The following SLC25A3 variants were observed in gnomAD, a reference collection of about 807,000 sequenced individuals.
SLC25A3 encodes phosphate transport protein.
SLC25A3 carries 14 observed loss-of-function variants against 37.1 expected under a neutral mutation model. That is an observed-to-expected ratio of 0.38 (90% CI 0.25 to 0.59). The LOEUF (loss-of-function observed/expected upper bound fraction) is 0.59, where lower values mean the gene tolerates loss of function less well. SLC25A3 is among the 20% of genes least tolerant of loss of function. SLC25A3 has a pLI of 0.67. For missense variants in SLC25A3, 385 were observed against 458.1 expected (o/e 0.84, Z 1.46); for synonymous variants, 161 against 168.7 (o/e 0.95, Z 0.36).
At chr12:98,598,769 G>GTTTTTTTTTTTT (rs982573378) in intron 5 of SLC25A3, 66 bp downstream of exon 5, 1 of 872,094 alleles carries the variant, frequency 1.1e-6, no homozygotes, top group African/African-American at 1.8e-5. Context: ...ATTTTTTTTT[G>GTTTTTTTTTTTT]TTTTTTTTTT....
intron 5 of SLC25A3, 88 bp downstream of exon 5, chr12:98,598,791 T>G: frequency 7.6e-7 from 1 of 1,308,324 alleles, no homozygotes; most frequent in Non-Finnish European, 1.1e-6. Context: ...GTTTTGTTTT[T>G]TTGAGACAAA....
chr12:98,601,399 C>T lies in SLC25A3; in HGVS notation c.957C>T (p.Ile319=), dbSNP rs777664288. The T allele has an allele frequency of 8.7e-6, 14 of 1,613,838 alleles. No homozygotes were observed. The Admixed American group carries it at 2.2e-4, about 25-fold the overall frequency. Residue 319 remains isoleucine (I), a synonymous_variant, in exon 8 of 8, where the codon ATC becomes ATT. Coordinates refer to ENST00000552981, the MANE Select transcript of SLC25A3 (RefSeq NM_002635.4). ...GVWKGLFARI[I]MIGTLTALQW... is the part of the protein sequence containing the mutation. ...GGAAGGGACTGTTTGCCCGTATCAT[C>T]ATGATTGGTACCCTGACTGCACTAC...
At chr12:98,595,897 T>G (rs761094165) in intron 3 of SLC25A3, 49 bp downstream of exon 3, 2 of 1,521,174 alleles carry the variant, frequency 1.3e-6, no homozygotes, top group Non-Finnish European at 9.1e-7. Context: ...GTGACTTAAC[T>G]CTAAATAAAA....
At chr12:98,599,854 C>A in intron 5 of SLC25A3, 101 bp from the exon 6 acceptor site, 1 of 1,202,834 alleles carries the variant, frequency 8.3e-7, no homozygotes, top group Non-Finnish European at 1.2e-6. Context: ...CCATTTGTTA[C>A]TATCAGGACT....
chr12:98,594,669 G>A (rs1237049535), intron 2 of SLC25A3: 2 of 357,824 alleles, frequency 5.6e-6, no homozygotes, highest in African/African-American at 4.2e-5. Context: ...ATAGGCAATA[G>A]AAAGGAGATA....
chr12:98,598,299 T>C, intron 4 of SLC25A3: 1 of 743,806 alleles, frequency 1.3e-6, no homozygotes. Flanking sequence ...TGGGACTCCT[T>C]TGCGTAGTTC....
Position 98,601,445 on chromosome 12 carries a change from G to T in SLC25A3, c.1003G>T (p.Val335Leu). The change falls in exon 8 of 8, where the codon GTG becomes TTG. Residue 335 changes from valine to leucine, a missense_variant. This residue lies in a region of SLC25A3 where 276 missense variants were observed against 367.6 expected (regional missense o/e 0.75). Coordinates refer to ENST00000552981, the MANE Select transcript of SLC25A3 (RefSeq NM_002635.4). Reference sequence around the variant, plus strand: ...ACTACAGTGGTTTATCTATGACTCCGTGAAGGTCTACTTCAGACTTCCTCG... The same window carrying T: ...ACTACAGTGGTTTATCTATGACTCCTTGAAGGTCTACTTCAGACTTCCTCG... Reference protein sequence around the residue: ...TALQWFIYDSVKVYFRLPRPP... With the variant: ...TALQWFIYDSLKVYFRLPRPP... 6.2e-7 allele frequency: 1 copy of T among 1,613,970 alleles called. No homozygotes were observed. Among genetic ancestry groups the T allele is most frequent in the South Asian group, 1.1e-5 (1 of 91,078 alleles).
intron 6 of SLC25A3, among the ~76,000 whole-genome samples, chr12:98,600,694 G>A (rs2097597163): frequency 6.6e-6 from 1 of 152,176 alleles, no homozygotes; most frequent in Non-Finnish European, 1.5e-5. Flanking sequence ...TTACAGGCGT[G>A]AGCCACCGCG....
chr12:98,604,261 AAAATATATATAT>A lies in SLC25A3; in HGVS notation c.*2735_*2746del. The A allele has an allele frequency of 8.5e-6, 1 of 117,336 alleles. No individual in the cohort carries two copies. The highest frequency in any genetic ancestry group is 2.8e-4 in the South Asian group (1 of 3,570). 7.3% of individuals were successfully genotyped at this position (117,336 alleles called of 1,614,324 possible). On this transcript the variant is annotated 3_prime_UTR_variant, in exon 8 of 8. Coordinates refer to ENST00000552981, the MANE Select transcript of SLC25A3 (RefSeq NM_002635.4). ...CAGCGAAACTCTGTCTCAAAAAAAA[AAAATATATATAT>A]ATATATATATATATGAAGCTGATAG...
At position 98,593,986 on chromosome 12, in the gene SLC25A3, C is replaced by T. The variant is rs745834499; in HGVS notation, c.8C>T (p.Ser3Leu). 18 of 1,613,808 alleles carry T rather than the reference C, an allele frequency of 1.1e-5. No homozygotes were observed. The highest frequency in any genetic ancestry group is 1.4e-5 in the Non-Finnish European group (16 of 1,179,894). The change falls in exon 2 of 8, where the codon TCG becomes TTG. Residue 3 changes from serine to leucine, a missense_variant. By Grantham distance (145) the Ser-to-Leu change is moderately radical. Coordinates refer to ENST00000552981, the MANE Select transcript of SLC25A3 (RefSeq NM_002635.4). MF[S>L]SVAHLARANP... ...CCCTCCTCCCCTAGAAAGATGTTCT[C>T]GTCCGTGGCGCACCTGGCGCGGGCG...
chr12:98,595,436 A>C, intron 2 of SLC25A3: 2 of 1,613,772 alleles, frequency 1.2e-6, no homozygotes, highest in Non-Finnish European at 1.7e-6. Context: ...CAAACAGAGC[A>C]GTATAGCTGT....
At position 98,595,717 on chromosome 12, in the gene SLC25A3, C is replaced by T. The variant is rs2097592481; in HGVS notation, c.158-10C>T. On this transcript the variant is annotated splice_polypyrimidine_tract_variant and intron_variant, in intron 2 of 7. Coordinates refer to ENST00000552981, the MANE Select transcript of SLC25A3 (RefSeq NM_002635.4). ...TATTAAAATGCATGGTGTGTCTTCT[C>T]TTACTACAGAGTACAGTTGTGAATT... is the stretch of plus-strand genomic sequence containing the variant. 1 of 1,613,970 alleles carries T rather than the reference C, an allele frequency of 6.2e-7. No individual in the cohort carries two copies. Among genetic ancestry groups the T allele is most frequent in the South Asian group, 1.1e-5 (1 of 91,004 alleles).
Position 98,594,148 on chromosome 12 carries a change from C to A in SLC25A3, c.157+13C>A, listed in dbSNP as rs774903460. 7 of 1,601,828 alleles carry A rather than the reference C, an allele frequency of 4.4e-6. No homozygotes were observed. The highest frequency in any genetic ancestry group is 6.0e-6 in the Non-Finnish European group (7 of 1,172,804). ...GCCGCCGTGGAAGGTGAGATCAGAC[C>A]CTGCCCAATACAGTCGTGTGGTCTA... is the stretch of plus-strand genomic sequence containing the variant. On this transcript the variant is annotated intron_variant, in intron 2 of 7. Transcript: ENST00000552981.
chr12:98,600,692 G>A (rs182580272), intron 6 of SLC25A3, among the ~76,000 whole-genome samples: 5 of 152,278 alleles, frequency 3.3e-5, no homozygotes, highest in African/African-American at 1.2e-4. Context: ...GATTACAGGC[G>A]TGAGCCACCG....
rs1168134201 is a variant in SLC25A3 at position 98,593,686 on chromosome 12, C to G, written c.-59C>G. The G allele has an allele frequency of 7.8e-6, 4 of 511,566 alleles. 1 individual carries two copies. The highest frequency in any genetic ancestry group is 3.2e-5 in the Admixed American group (1 of 31,172). The allele number at this position is 511,566 out of a possible 1,614,324, so 31.7% of individuals were successfully genotyped here. On this transcript the variant is annotated 5_prime_UTR_variant, in exon 1 of 8. Coordinates refer to ENST00000552981, the MANE Select transcript of SLC25A3 (RefSeq NM_002635.4). ...TCTTAGGACCCGGAGGACGTCCGGC[C>G]TCTGTGAGCCGCAACCTTTCCAAGG...
At chr12:98,601,119 G>A (rs1481208294) in intron 6 of SLC25A3, 52 bp from the exon 7 acceptor site, 3 of 1,589,880 alleles carry the variant, frequency 1.9e-6, no homozygotes, top group Non-Finnish European at 2.6e-6. Flanking sequence ...TATTGGCTCT[G>A]TGAAGTTTTG....
chr12:98,599,492 G>GTTT, intron 5 of SLC25A3: 3 of 353,752 alleles, frequency 8.5e-6, no homozygotes, highest in South Asian at 2.4e-5. Context: ...CCTGGACTGA[G>GTTT]TTTTTTTTTT....
At chr12:98,600,264 G>A (rs2097596684) in intron 6 of SLC25A3, 137 bp downstream of exon 6, 2 of 685,282 alleles carry the variant, frequency 2.9e-6, no homozygotes, top group African/African-American at 1.8e-5. Context: ...CTGAGGCATA[G>A]TCTCGCTCTG....
At chr12:98,594,581 A>C in intron 2 of SLC25A3, 1 of 572,570 alleles carries the variant, frequency 1.7e-6, no homozygotes, top group Non-Finnish European at 3.1e-6. Flanking sequence ...CAGGTCAGTC[A>C]TTTTTGCACT....
Sources: gnomAD v4.1 joint callset for allele counts (sites outside exome capture counted in the v4.1 genomes callset) on GRCh38, gnomAD v4.1.1 for gene constraint, gnomAD v4.1.1 regional missense constraint, MANE v1.5 for transcripts, NCBI Gene and HGNC (gene_info 2026-07-23, HGNC 2026-07-21) for gene names.